ZYG11A: variants seen among roughly 807,000 people sequenced by gnomAD.
ZYG11A encodes zyg-11 family member A, cell cycle regulator, also known as protein zyg-11 homolog A.
ZYG11A carries 62 observed loss-of-function variants against 77.2 expected under a neutral mutation model. The ratio of observed to expected loss-of-function variants is 0.80; its 90% CI spans 0.65 to 0.99. The LOEUF is 0.99. Among genes scored for constraint, ZYG11A ranks in the 50% least tolerant of loss-of-function variants. The pLI is 0.00. For synonymous variants in ZYG11A, 315 were observed against 324.6 expected (o/e 0.97, Z 0.32); for missense variants, 828 against 896.8 (o/e 0.92, Z 0.98).
intron 10 of ZYG11A, among the ~76,000 whole-genome samples, chr1:52,880,639 GCAAA>G (rs1276989672): frequency 6.6e-6 from 1 of 152,176 alleles, no homozygotes; most frequent in African/African-American, 2.4e-5. Flanking sequence ...CCCTGAAGGA[GCAAA>G]CAGTCATGAA....
chr1:52,856,216 A>G (rs1429144775), intron 2 of ZYG11A, among the ~76,000 whole-genome samples: 2 of 152,100 alleles, frequency 1.3e-5, no homozygotes, highest in Non-Finnish European at 2.9e-5. Flanking sequence ...TGGTGTTGGT[A>G]TTTACCTGGT....
intron 10 of ZYG11A, among the ~76,000 whole-genome samples, chr1:52,878,385 G>A (rs1019324928): frequency 6.6e-6 from 1 of 152,016 alleles, no homozygotes; most frequent in Non-Finnish European, 1.5e-5. Context: ...GTGTCCACAG[G>A]CTTCTCCACA....
chr1:52,869,720 C>A (rs1247863702), intron 8 of ZYG11A, among the ~76,000 whole-genome samples: 1 of 151,618 alleles, frequency 6.6e-6, no homozygotes, highest in South Asian at 2.1e-4. Flanking sequence ...TCCACAAAAC[C>A]GCCATTGTCA....
chr1:52,861,428 T>C (rs1645924378), intron 4 of ZYG11A, among the ~76,000 whole-genome samples: 1 of 152,200 alleles, frequency 6.6e-6, no homozygotes. Context: ...TTTTTGCAAT[T>C]CCTTAAAAAT....
chr1:52,848,890 TA>T (rs1645650317), intron 1 of ZYG11A, among the ~76,000 whole-genome samples: 3 of 151,826 alleles, frequency 2.0e-5, no homozygotes, highest in East Asian at 3.9e-4. Context: ...AAATTAAAAG[TA>T]AAAAAAATGG....
Position 52,869,918 on chromosome 1 carries a change from C to T in ZYG11A, c.1542+2141C>T, listed in dbSNP as rs562005720. Reference sequence around the variant, plus strand: ...CTGGCCGGGCAGGGGGCTGACCCCCCCCACACCTCCCTCCCAGACAGGGTG... The same window carrying T: ...CTGGCCGGGCAGGGGGCTGACCCCCTCCACACCTCCCTCCCAGACAGGGTG... On this transcript the variant is annotated intron_variant, in intron 8 of 13. Coordinates refer to ENST00000371528, the MANE Select transcript of ZYG11A (RefSeq NM_001004339.3). Among the ~76,000 whole-genome samples the T allele has an allele frequency of 6.8e-5, 5 of 73,384 alleles. No homozygotes were observed. In the East Asian group the frequency reaches 1.0e-3, roughly 15 times the overall value. The allele number at this position is 73,384 out of a possible 152,430, so 48.1% of individuals were successfully genotyped here.
At chr1:52,843,616 CA>C (rs1019434406) in intron 1 of ZYG11A, among the ~76,000 whole-genome samples, 2 of 151,960 alleles carry the variant, frequency 1.3e-5, no homozygotes, top group African/African-American at 4.8e-5. Flanking sequence ...TAGCTCTGGA[CA>C]AAATGCAAAC....
chr1:52,858,557 G>A (rs1260305975), intron 3 of ZYG11A, among the ~76,000 whole-genome samples: 4 of 151,116 alleles, frequency 2.6e-5, no homozygotes, highest in African/African-American at 7.3e-5. Context: ...CGCCTGCCTC[G>A]GCCTCCCAAA....
chr1:52,873,842 G>A (rs1646213464), intron 8 of ZYG11A, among the ~76,000 whole-genome samples: 1 of 152,046 alleles, frequency 6.6e-6, no homozygotes, highest in Non-Finnish European at 1.5e-5. Flanking sequence ...AAACTAGCCA[G>A]GTGTGGTGGC....
chr1:52,871,590 G>A (rs1473177093), intron 8 of ZYG11A, among the ~76,000 whole-genome samples: 5 of 151,270 alleles, frequency 3.3e-5, no homozygotes, highest in Admixed American at 2.6e-4. Flanking sequence ...TCTGTCTCCC[G>A]GGTTCAAGCG....
At chr1:52,876,205 C>A (rs76471267) in intron 8 of ZYG11A, among the ~76,000 whole-genome samples, 2 of 152,072 alleles carry the variant, frequency 1.3e-5, no homozygotes, top group Admixed American at 6.6e-5. Flanking sequence ...TTGACAAATA[C>A]GGTTAAGTGT....
At chr1:52,846,313 TA>T (rs1645579057) in intron 1 of ZYG11A, among the ~76,000 whole-genome samples, 3 of 1,712 alleles carry the variant, frequency 1.8e-3, no homozygotes, top group South Asian at 0.026. Context: ...TAAATTTTTA[TA>T]TATATATATA....
At chr1:52,856,455 CAAAAAAA>C (rs57138221) in intron 2 of ZYG11A, among the ~76,000 whole-genome samples, 29 of 104,058 alleles carry the variant, frequency 2.8e-4, no homozygotes, top group South Asian at 6.8e-4. Context: ...GACTCCATCT[CAAAAAAA>C]AAAAAAAAAA....
In ZYG11A at chr1:52,890,249, G is replaced by GTTT. The variant is rs908467307; in HGVS notation, c.2105-2511_2105-2509dup. 4.8e-3 allele frequency among the ~76,000 whole-genome samples: 346 copies of GTTT among 71,608 alleles called. 5 individuals carry two copies. The highest frequency in any genetic ancestry group is 0.019 in the Middle Eastern group (1 of 52). The allele number at this position is 71,608 out of a possible 152,430, so 47.0% of individuals were successfully genotyped here. ...TTTGGGAGAAAAATATTTTCTTTTA[G>GTTT]TTTTTTTTTTTTTTTTTTTTTTTTG... On this transcript the variant is annotated intron_variant, in intron 13 of 13. Coordinates refer to ENST00000371528, the MANE Select transcript of ZYG11A (RefSeq NM_001004339.3).
rs185978003 is a variant in ZYG11A at position 52,889,785 on chromosome 1, C to T, written c.2104+2732C>T. On this transcript the variant is annotated intron_variant, in intron 13 of 13. Coordinates refer to ENST00000371528, the MANE Select transcript of ZYG11A (RefSeq NM_001004339.3). ...GGAGTGCAGTGGTGCACTCTTGGCT[C>T]GCTGCAAGCTCTGCCTCCCGGGTTC... 7.3e-3 allele frequency among the ~76,000 whole-genome samples: 1,106 copies of T among 150,548 alleles called. 9 individuals are homozygous for T. Among genetic ancestry groups the T allele is most frequent in the African/African-American group, 0.025 (1,036 of 40,928 alleles).
chr1:52,870,322 T>A (rs1447634293), intron 8 of ZYG11A, among the ~76,000 whole-genome samples: 1 of 141,600 alleles, frequency 7.1e-6, no homozygotes, highest in South Asian at 2.3e-4. Context: ...GCAGAGACGC[T>A]TCTCACTTCC....
At chr1:52,847,508 C>T (rs1459545412) in intron 1 of ZYG11A, among the ~76,000 whole-genome samples, 1 of 110,502 alleles carries the variant, frequency 9.0e-6, no homozygotes, top group Non-Finnish European at 2.2e-5. Flanking sequence ...CCCAGCCTGT[C>T]ATTTTTTTTT....
At position 52,842,795 on chromosome 1, in the gene ZYG11A, G is replaced by A; in HGVS notation, c.-89G>A. 2.3e-6 allele frequency: 3 copies of A among 1,307,252 alleles called. No homozygotes were observed. Among genetic ancestry groups the A allele is most frequent in the Admixed American group, 2.4e-5 (1 of 41,588 alleles). 81.0% of individuals were successfully genotyped at this position (1,307,252 alleles called of 1,614,324 possible). A position where few individuals can be genotyped will look rare whatever the true frequency, so the allele number is the denominator to read the frequency against. On this transcript the variant is annotated 5_prime_UTR_variant, in exon 1 of 14. Coordinates refer to ENST00000371528, the MANE Select transcript of ZYG11A (RefSeq NM_001004339.3). ...TGTGCCTCGCAGGCGTGGTGGGCGC[G>A]TCCTGGCAGCCGCCCGCTTGGTTCT...
At chr1:52,866,259 T>C (rs997222292) in intron 5 of ZYG11A, among the ~76,000 whole-genome samples, 41 of 152,094 alleles carry the variant, frequency 2.7e-4, no homozygotes, top group Non-Finnish European at 5.7e-4. Flanking sequence ...TTTTTAAAAA[T>C]ACAGTTAGGA....
Sources: gnomAD v4.1 joint callset for allele counts (sites outside exome capture counted in the v4.1 genomes callset) on GRCh38, gnomAD v4.1.1 for gene constraint, MANE v1.5 for transcripts, NCBI Gene and HGNC (gene_info 2026-07-23, HGNC 2026-07-21) for gene names.